SLC6A6: variants seen among roughly 807,000 people sequenced by gnomAD.
SLC6A6 encodes the protein solute carrier family 6 member 6.
SLC6A6 carries 16 observed loss-of-function variants against 68.8 expected under a neutral mutation model. The ratio of observed to expected loss-of-function variants is 0.23; its 90% CI spans 0.16 to 0.35. The LOEUF is 0.35. Ranked by LOEUF, SLC6A6 falls within the 10% of genes least tolerant of loss-of-function variation. The pLI, the probability that SLC6A6 is intolerant of heterozygous loss-of-function variation, is 1.00. For missense variants in SLC6A6, 474 were observed against 802.8 expected (o/e 0.59, Z 4.95); for synonymous variants, 312 against 315.4 (o/e 0.99, Z 0.12).
chr3:14,478,574 T>A lies in SLC6A6; in HGVS notation c.1450+6T>A. 1.3e-6 allele frequency: 2 copies of A among 1,555,880 alleles called. No individual in the cohort carries two copies. Among genetic ancestry groups the A allele is most frequent in the Non-Finnish European group, 1.8e-6 (2 of 1,127,178 alleles). On this transcript the variant is annotated splice_donor_region_variant and intron_variant, in intron 12 of 14. Transcript: ENST00000622186. Reference sequence around the variant, plus strand: ...TGTTATTGCCTGGATATATGGTGAGTACAGATTTTTTCATGTCCTTTCTCA... The same window carrying A: ...TGTTATTGCCTGGATATATGGTGAGAACAGATTTTTTCATGTCCTTTCTCA...
At chr3:14,452,787 G>A (rs1700282817) in intron 5 of SLC6A6, among the ~76,000 whole-genome samples, 1 of 152,164 alleles carries the variant, frequency 6.6e-6, no homozygotes, top group African/African-American at 2.4e-5. Context: ...AGTTGCTCTG[G>A]GATGGGGAAG....
chr3:14,447,487 G>A, intron 4 of SLC6A6, 95 bp from the exon 5 acceptor site: 1 of 1,530,166 alleles, frequency 6.5e-7, no homozygotes, highest in Non-Finnish European at 8.9e-7. Flanking sequence ...TGTGGCCTGG[G>A]GCCTGGGGAT....
At chr3:14,430,301 C>T (rs1699692599) in intron 2 of SLC6A6, among the ~76,000 whole-genome samples, 1 of 152,036 alleles carries the variant, frequency 6.6e-6, no homozygotes, top group African/African-American at 2.4e-5. Flanking sequence ...ACAAACCCGG[C>T]TAAGCACGTG....
At chr3:14,426,914 A>G (rs1699612326) in intron 2 of SLC6A6, among the ~76,000 whole-genome samples, 4 of 152,168 alleles carry the variant, frequency 2.6e-5, no homozygotes, top group Admixed American at 2.6e-4. Context: ...AGGGCCTCCC[A>G]GAAACGGCGT....
chr3:14,427,112 A>G (rs766708806), intron 2 of SLC6A6, among the ~76,000 whole-genome samples: 72 of 144,704 alleles, frequency 5.0e-4, no homozygotes, highest in Non-Finnish European at 7.7e-4. Context: ...TGTCTTCCGC[A>G]CTCTCTGGCT....
chr3:14,468,272 CTGCAGGCA>C lies in SLC6A6; in HGVS notation c.1096+63_1096+70del. The C allele has an allele frequency of 6.6e-6, 10 of 1,522,272 alleles. No individual in the cohort carries two copies. Among genetic ancestry groups the C allele is most frequent in the Non-Finnish European group, 8.9e-6 (10 of 1,121,508 alleles). 94.3% of individuals were successfully genotyped at this position (1,522,272 alleles called of 1,614,324 possible). A position where few individuals can be genotyped will look rare whatever the true frequency, so the allele number is the denominator to read the frequency against. ...TGCCACCTAGTGTGTAAGCCAAGTA[CTGCAGGCA>C]TGAAGCCAGACCCCAGGGGGCTTTG... is the stretch of plus-strand genomic sequence containing the variant. On this transcript the variant is annotated intron_variant, in intron 9 of 14. Transcript: ENST00000622186. The surrounding 1 kb of genome is among the most constrained non-coding windows in gnomAD (Gnocchi z 4.5).
intron 14 of SLC6A6, among the ~76,000 whole-genome samples, chr3:14,483,025 A>G (rs1347035206): frequency 6.6e-6 from 1 of 151,970 alleles, no homozygotes; most frequent in Non-Finnish European, 1.5e-5. Flanking sequence ...AAAGGTTCTG[A>G]TTGGTCTAGG....
intron 14 of SLC6A6, among the ~76,000 whole-genome samples, chr3:14,484,155 C>A (rs1363039556): frequency 6.6e-6 from 1 of 152,172 alleles, no homozygotes; most frequent in African/African-American, 2.4e-5. Flanking sequence ...GGTTGAGTCC[C>A]AGTTCTGACA....
intron 1 of SLC6A6, among the ~76,000 whole-genome samples, chr3:14,411,691 A>T (rs913171933): frequency 6.6e-6 from 1 of 152,064 alleles, no homozygotes; most frequent in Non-Finnish European, 1.5e-5. Context: ...AATTCCTTCT[A>T]CTCTGAAATG....
At chr3:14,458,126 GC>G in intron 6 of SLC6A6, 44 bp downstream of exon 6, 1 of 1,590,162 alleles carries the variant, frequency 6.3e-7, no homozygotes, top group Non-Finnish European at 8.6e-7. Flanking sequence ...GGAGAGCTGT[GC>G]CAGGCTGGCC....
intron 3 of SLC6A6, 152 bp from the exon 4 acceptor site, chr3:14,445,565 G>A: frequency 1.2e-6 from 1 of 839,380 alleles, no homozygotes; most frequent in East Asian, 2.5e-5. Flanking sequence ...GGCAGGGCCT[G>A]GAGCATTTCC....
chr3:14,462,728 G>C (rs1037636227), intron 6 of SLC6A6, among the ~76,000 whole-genome samples: 1 of 152,092 alleles, frequency 6.6e-6, no homozygotes, highest in Non-Finnish European at 1.5e-5. Flanking sequence ...AGCAGGAAGG[G>C]ACAGAGGAAC....
chr3:14,447,922 G>T, intron 5 of SLC6A6, 106 bp downstream of exon 5: 4 of 1,515,564 alleles, frequency 2.6e-6, no homozygotes, highest in Non-Finnish European at 3.5e-6. Flanking sequence ...GTCTTCGGGG[G>T]AGTGGGAGGA....
At chr3:14,456,123 T>C (rs11128700) in intron 5 of SLC6A6, among the ~76,000 whole-genome samples, 67,301 of 152,038 alleles carry the variant, frequency 0.44, 15,329 homozygotes, top group African/African-American at 0.55. Context: ...TCATTTTCCC[T>C]ATCTGTAAAA....
At chr3:14,416,346 C>T (rs1699363047) in intron 1 of SLC6A6, 66 bp from the exon 2 acceptor site, 1 of 398,490 alleles carries the variant, frequency 2.5e-6, no homozygotes, top group South Asian at 1.3e-4. Flanking sequence ...CAATTAGGGG[C>T]CCTGTGCACA....
intron 2 of SLC6A6, among the ~76,000 whole-genome samples, chr3:14,424,623 C>T (rs150872579): frequency 2.6e-4 from 40 of 152,294 alleles, no homozygotes; most frequent in African/African-American, 9.4e-4. Flanking sequence ...TCTTGATTCA[C>T]TCTGGGGAAC....
intron 3 of SLC6A6, among the ~76,000 whole-genome samples, chr3:14,445,399 T>C (rs1340215621): frequency 1.2e-4 from 17 of 146,146 alleles, no homozygotes; most frequent in Non-Finnish European, 4.5e-5. Context: ...TCAGCCTGGG[T>C]GACAGAGCAA....
At chr3:14,439,148 G>A (rs555233636) in intron 2 of SLC6A6, among the ~76,000 whole-genome samples, 107 of 152,370 alleles carry the variant, frequency 7.0e-4, no homozygotes, top group African/African-American at 2.5e-3. Context: ...AGGCCCAGGT[G>A]GCCAGGTGGG....
chr3:14,420,204 G>C (rs887286258), intron 2 of SLC6A6, among the ~76,000 whole-genome samples: 1 of 152,190 alleles, frequency 6.6e-6, no homozygotes, highest in Non-Finnish European at 1.5e-5. Context: ...AGGCTGAGGC[G>C]GGTGGATCAC....
Sources: allele counts gnomAD v4.1 joint callset (sites outside exome capture counted in the v4.1 genomes callset), GRCh38; gene constraint gnomAD v4.1.1; non-coding constraint Gnocchi (gnomAD v3.1); transcripts MANE v1.5; gene names NCBI Gene and HGNC (gene_info 2026-07-23, HGNC 2026-07-21).